The following AXDND1 variants were observed in gnomAD, a reference collection of about 807,000 sequenced individuals.
AXDND1 encodes the protein axonemal dynein light chain domain-containing protein 1.
AXDND1 carries 110 observed loss-of-function variants against 137.5 expected under a neutral mutation model. That is an observed-to-expected ratio of 0.80 (90% CI 0.69 to 0.94). AXDND1 has a LOEUF of 0.94. Ranked by LOEUF, AXDND1 falls within the 40% of genes least tolerant of loss-of-function variation. AXDND1 has a pLI of 0.00. For missense variants in AXDND1, 1,191 were observed against 1,169.8 expected (o/e 1.02, Z -0.26); for synonymous variants, 414 against 399.7 (o/e 1.04, Z -0.43).
intron 15 of AXDND1, among the ~76,000 whole-genome samples, chr1:179,440,785 G>A (rs1290683682): frequency 2.6e-5 from 4 of 152,230 alleles, no homozygotes; most frequent in Non-Finnish European, 5.9e-5. Context: ...AAATTCAGCA[G>A]TTCTGGGTCT....
chr1:179,387,602 T>C (rs951467252), intron 9 of AXDND1, among the ~76,000 whole-genome samples: 2 of 152,256 alleles, frequency 1.3e-5, no homozygotes, highest in Non-Finnish European at 2.9e-5. Context: ...TGTATATTTT[T>C]GTTTTCATAC....
chr1:179,409,931 T>G (rs534255014), intron 11 of AXDND1, among the ~76,000 whole-genome samples: 1 of 152,352 alleles, frequency 6.6e-6, no homozygotes, highest in Admixed American at 6.5e-5. Flanking sequence ...CTTTTGTTGT[T>G]GGACATTGAG....
intron 12 of AXDND1, among the ~76,000 whole-genome samples, chr1:179,427,997 AT>A (rs1251592873): frequency 1.3e-5 from 2 of 151,700 alleles, no homozygotes; most frequent in African/African-American, 4.8e-5. Context: ...GTAACTGTGG[AT>A]TTGCTAAGGC....
In AXDND1 at chr1:179,534,908, C is replaced by CAAG. The variant is rs745667364; in HGVS notation, c.2990_2992dup (p.Glu997dup). 3.1e-6 allele frequency: 5 copies of CAAG among 1,595,758 alleles called. No homozygotes were observed. The highest frequency in any genetic ancestry group is 4.3e-6 in the Non-Finnish European group (5 of 1,168,878). On this transcript the variant is annotated inframe_insertion, in exon 25 of 26. Coordinates refer to ENST00000367618, the MANE Select transcript of AXDND1 (RefSeq NM_144696.6). ...AGAAGTAAAAGAAGAAGAAGAACAA[C>CAAG]AAGAAGAAGAAGAAGTCAGGTCAGC... is the stretch of plus-strand genomic sequence containing the variant.
intron 25 of AXDND1, among the ~76,000 whole-genome samples, chr1:179,546,740 A>C (rs1417606593): frequency 2.0e-5 from 3 of 152,054 alleles, no homozygotes; most frequent in South Asian, 2.1e-4. Context: ...CTGTTTTGGG[A>C]GTGCATACCA....
intron 4 of AXDND1, among the ~76,000 whole-genome samples, chr1:179,377,664 A>G (rs1033464239): frequency 5.3e-5 from 8 of 152,218 alleles, no homozygotes; most frequent in African/African-American, 1.9e-4. Context: ...TGCAAATGTG[A>G]TCAACCCTGG....
chr1:179,467,245 A>G (rs12131512), intron 16 of AXDND1, among the ~76,000 whole-genome samples: 25,493 of 152,014 alleles, frequency 0.17, 2,490 homozygotes, highest in East Asian at 0.35. Context: ...CAATTGTTCA[A>G]TTTAAAACTG....
intron 15 of AXDND1, among the ~76,000 whole-genome samples, chr1:179,444,470 T>TTA (rs1413933905): frequency 6.6e-6 from 1 of 152,118 alleles, no homozygotes; most frequent in Non-Finnish European, 1.5e-5. Context: ...TAATGCCAAA[T>TTA]TATATATATA....
rs139349661 is a variant in AXDND1, at chr1:179,437,764, G to A, written c.1563+5422G>A. On this transcript the variant is annotated intron_variant, in intron 15 of 25. Coordinates refer to ENST00000367618, the MANE Select transcript of AXDND1 (RefSeq NM_144696.6). ...TAGGTCCAAGGGTTGAGGCTCTCCA[G>A]GCCTTGCTGGAATTCAGTCCAGTCT... Among the ~76,000 whole-genome samples, 922 of 152,290 alleles carry A rather than the reference G, an allele frequency of 6.1e-3. 17 individuals are homozygous for A. Among genetic ancestry groups the A allele is most frequent in the African/African-American group, 0.022 (896 of 41,556 alleles).
rs572464239 is a variant in AXDND1, at chr1:179,424,574, C to T, written c.1231-4944C>T. 7.8e-4 allele frequency among the ~76,000 whole-genome samples: 119 copies of T among 151,854 alleles called. 1 individual carries two copies. Among genetic ancestry groups the T allele is most frequent in the African/African-American group, 2.7e-3 (112 of 41,436 alleles). ...TCCTGAGTAGCTGGGATTACAGGCA[C>T]GTGCCACCAGGCCTGGCTAATTTTT... On this transcript the variant is annotated intron_variant, in intron 12 of 25. Coordinates refer to ENST00000367618, the MANE Select transcript of AXDND1 (RefSeq NM_144696.6).
At chr1:179,366,364 C>CTTTT in intron 1 of AXDND1, 40 bp from the exon 2 acceptor site, 7 of 492,144 alleles carry the variant, frequency 1.4e-5, no homozygotes, top group East Asian at 3.7e-5. Flanking sequence ...TAGTTGTCAT[C>CTTTT]TTTTTTTTTT....
intron 9 of AXDND1, among the ~76,000 whole-genome samples, chr1:179,387,277 G>A (rs1649371023): frequency 6.6e-6 from 1 of 152,192 alleles, no homozygotes. Context: ...GCTGGGAAGT[G>A]CAGTGTACAA....
intron 4 of AXDND1, 120 bp from the exon 5 acceptor site, chr1:179,378,517 A>T (rs1183428004): frequency 4.8e-6 from 3 of 625,936 alleles, no homozygotes; most frequent in Non-Finnish European, 7.4e-6. Flanking sequence ...TAAGGAGATC[A>T]GTTTTGCTGA....
chr1:179,488,267 T>A (rs1192105870), intron 18 of AXDND1, among the ~76,000 whole-genome samples: 3 of 148,630 alleles, frequency 2.0e-5, no homozygotes, highest in Non-Finnish European at 4.5e-5. Context: ...AAAGGTGAGC[T>A]GTGTTTCATT....
chr1:179,515,082 A>G (rs768327229), intron 21 of AXDND1, among the ~76,000 whole-genome samples: 2 of 152,188 alleles, frequency 1.3e-5, no homozygotes, highest in Non-Finnish European at 2.9e-5. Flanking sequence ...GATGTGAGAT[A>G]CCATTCCATT....
intron 12 of AXDND1, among the ~76,000 whole-genome samples, chr1:179,412,962 T>C (rs1297833366): frequency 6.6e-6 from 1 of 152,200 alleles, no homozygotes; most frequent in African/African-American, 2.4e-5. Flanking sequence ...CTTAAATTTT[T>C]CATTTGTTTA....
intron 22 of AXDND1, among the ~76,000 whole-genome samples, chr1:179,525,655 C>G (rs1196079984): frequency 6.6e-6 from 1 of 152,054 alleles, no homozygotes. Flanking sequence ...CACCACCATG[C>G]CTAGCTAATT....
chr1:179,529,049 G>C (rs1198845837), intron 23 of AXDND1, among the ~76,000 whole-genome samples: 1 of 152,184 alleles, frequency 6.6e-6, no homozygotes, highest in Non-Finnish European at 1.5e-5. Flanking sequence ...GGGAAACTGG[G>C]AACTTAGAGA....
chr1:179,537,401 T>C (rs2125715534), intron 25 of AXDND1, among the ~76,000 whole-genome samples: 1 of 152,350 alleles, frequency 6.6e-6, no homozygotes, highest in South Asian at 2.1e-4. Context: ...TGAGAGTTTT[T>C]AGCATGAAGG....
Sources: gnomAD v4.1 joint callset for allele counts (sites outside exome capture counted in the v4.1 genomes callset) on GRCh38, gnomAD v4.1.1 for gene constraint, MANE v1.5 for transcripts, NCBI Gene and HGNC (gene_info 2026-07-23, HGNC 2026-07-21) for gene names.